SGIP1: variants seen among roughly 807,000 people sequenced by gnomAD.
SGIP1 encodes the protein SH3GL interacting endocytic adaptor 1, also known as SH3-containing GRB2-like protein 3-interacting protein 1.
SGIP1 carries 38 observed loss-of-function variants against 107.5 expected under a neutral mutation model. That is an observed-to-expected ratio of 0.35 (90% CI 0.27 to 0.46). SGIP1 has a LOEUF of 0.46. SGIP1 is among the 20% of genes least tolerant of loss of function. The pLI is 1.00. For missense variants in SGIP1, 929 were observed against 1,019.5 expected (o/e 0.91, Z 1.21); for synonymous variants, 365 against 366.1 (o/e 1.00, Z 0.03).
intron 13 of SGIP1, among the ~76,000 whole-genome samples, chr1:66,677,856 T>C (rs2085745803): frequency 6.6e-6 from 1 of 152,226 alleles, no homozygotes; most frequent in South Asian, 2.1e-4. Context: ...ATGCAGAGGA[T>C]GTTTTTACTC....
At chr1:66,576,869 G>C (rs897797232) in intron 1 of SGIP1, among the ~76,000 whole-genome samples, 1 of 152,152 alleles carries the variant, frequency 6.6e-6, no homozygotes, top group African/African-American at 2.4e-5. Context: ...CAGACAAGGG[G>C]TATTATTGTC....
intron 1 of SGIP1, among the ~76,000 whole-genome samples, chr1:66,590,062 A>AT (rs1315684552): frequency 6.6e-6 from 1 of 152,176 alleles, no homozygotes; most frequent in Non-Finnish European, 1.5e-5. Context: ...TACTAAAGGG[A>AT]TTTTTGCATC....
intron 8 of SGIP1, among the ~76,000 whole-genome samples, chr1:66,660,984 G>C (rs1291392169): frequency 6.6e-6 from 1 of 152,150 alleles, no homozygotes; most frequent in Admixed American, 6.5e-5. Context: ...GTTTTATTTT[G>C]TTTTTGTTTT....
intron 1 of SGIP1, among the ~76,000 whole-genome samples, chr1:66,583,735 A>G (rs2062151346): frequency 6.6e-6 from 1 of 152,094 alleles, no homozygotes; most frequent in African/African-American, 2.4e-5. Flanking sequence ...GTCACTTCGT[A>G]TTGCATTTGT....
intron 15 of SGIP1, chr1:66,684,323 C>A: frequency 7.6e-7 from 1 of 1,307,278 alleles, no homozygotes; most frequent in Non-Finnish European, 1.0e-6. Flanking sequence ...ACAAGATCAC[C>A]AAAAGTCTTC....
chr1:66,587,737 A>T (rs560325384), intron 1 of SGIP1, among the ~76,000 whole-genome samples: 39 of 152,262 alleles, frequency 2.6e-4, no homozygotes, highest in African/African-American at 9.1e-4. Context: ...CAAAGATCCT[A>T]TTTAATTAAC....
chr1:66,551,245 C>G (rs2057355643), intron 1 of SGIP1, among the ~76,000 whole-genome samples: 1 of 152,142 alleles, frequency 6.6e-6, no homozygotes, highest in African/African-American at 2.4e-5. Flanking sequence ...ATAAAGCAAA[C>G]TTTAATGAAT....
At chr1:66,636,118 C>G in intron 4 of SGIP1, 103 bp downstream of exon 4, 1 of 1,124,874 alleles carries the variant, frequency 8.9e-7, no homozygotes, top group South Asian at 1.5e-5. Flanking sequence ...TCATTTACTC[C>G]ATTTAAGAAA....
intron 1 of SGIP1, among the ~76,000 whole-genome samples, chr1:66,577,756 C>CTGTGTGTGTGTGTG (rs6143251): frequency 3.4e-5 from 5 of 145,076 alleles, no homozygotes; most frequent in Admixed American, 2.1e-4. Context: ...TAATGCAGTC[C>CTGTGTGTGTGTGTG]TGTGTGTGTG....
intron 21 of SGIP1, 63 bp downstream of exon 21, chr1:66,733,943 C>G: frequency 6.6e-7 from 1 of 1,508,154 alleles, no homozygotes; most frequent in Non-Finnish European, 8.9e-7. Flanking sequence ...AAAGTACCTA[C>G]TATTGAATAA....
At chr1:66,639,465 A>G (rs2076380267) in intron 4 of SGIP1, among the ~76,000 whole-genome samples, 1 of 152,224 alleles carries the variant, frequency 6.6e-6, no homozygotes, top group African/African-American at 2.4e-5. Context: ...AGAGGATTCC[A>G]TTACAATAAA....
chr1:66,694,517 C>T, intron 17 of SGIP1: 1 of 1,581,498 alleles, frequency 6.3e-7, no homozygotes, highest in Non-Finnish European at 8.6e-7. Context: ...ATGGTGCTAG[C>T]CAAGTGATCT....
At chr1:66,694,743 G>A (rs1294161100) in intron 17 of SGIP1, 1 of 392,856 alleles carries the variant, frequency 2.5e-6, no homozygotes, top group Non-Finnish European at 4.5e-6. Context: ...TTCAAAAAAG[G>A]TGAGATGCTA....
At chr1:66,708,064 T>C (rs2092648483) in intron 18 of SGIP1, among the ~76,000 whole-genome samples, 1 of 152,152 alleles carries the variant, frequency 6.6e-6, no homozygotes, top group Non-Finnish European at 1.5e-5. Context: ...CTTCCTAGGA[T>C]GTAGGGGCAA....
chr1:66,550,453 A>T (rs1266441541), intron 1 of SGIP1, among the ~76,000 whole-genome samples: 1 of 152,068 alleles, frequency 6.6e-6, no homozygotes, highest in African/African-American at 2.4e-5. Flanking sequence ...GCCAAAACAT[A>T]ACTGCCCCAG....
At chr1:66,540,713 GT>G (rs1222946316) in intron 1 of SGIP1, among the ~76,000 whole-genome samples, 2 of 152,212 alleles carry the variant, frequency 1.3e-5, no homozygotes, top group Non-Finnish European at 2.9e-5. Flanking sequence ...AGCTCAATGT[GT>G]TAGCTGATTT....
At chr1:66,597,750 C>T (rs1429404740) in intron 1 of SGIP1, among the ~76,000 whole-genome samples, 3 of 152,108 alleles carry the variant, frequency 2.0e-5, no homozygotes, top group African/African-American at 7.2e-5. Flanking sequence ...ATGGGACTTT[C>T]TAGAGTACTC....
intron 14 of SGIP1, among the ~76,000 whole-genome samples, chr1:66,680,454 C>T (rs557596748): frequency 4.5e-4 from 68 of 152,200 alleles, no homozygotes; most frequent in Non-Finnish European, 7.9e-4. Context: ...GGTTCTTTAT[C>T]ACCTTCGGAA....
chr1:66,632,640 C>T (rs2075014172), intron 2 of SGIP1, among the ~76,000 whole-genome samples: 1 of 152,146 alleles, frequency 6.6e-6, no homozygotes, highest in African/African-American at 2.4e-5. Flanking sequence ...GCAACATAAC[C>T]AGACCCCATC....
Sources: gnomAD v4.1 joint callset for allele counts (sites outside exome capture counted in the v4.1 genomes callset) on GRCh38, gnomAD v4.1.1 for gene constraint, MANE v1.5 for transcripts, NCBI Gene and HGNC (gene_info 2026-07-23, HGNC 2026-07-21) for gene names.